The following SHCBP1L variants were observed in gnomAD, a reference collection of about 807,000 sequenced individuals.
SHCBP1L encodes testicular spindle-associated protein SHCBP1L.
A neutral mutation model predicts 62.5 loss-of-function variants in SHCBP1L; 67 were observed. The ratio of observed to expected loss-of-function variants is 1.07; its 90% CI spans 0.88 to 1.31. SHCBP1L has a LOEUF of 1.31. Among genes scored for constraint, SHCBP1L ranks in the 40% most tolerant of loss-of-function variants. SHCBP1L has a pLI of 0.00. For synonymous variants in SHCBP1L, 284 were observed against 289.4 expected (o/e 0.98, Z 0.19); for missense variants, 823 against 809.8 (o/e 1.02, Z -0.20).
In SHCBP1L at chr1:182,939,366, G is replaced by A. The variant is rs1291589496; in HGVS notation, c.886C>T (p.Pro296Ser). The A allele has an allele frequency of 6.2e-7, 1 of 1,613,732 alleles. No homozygotes were observed. Among genetic ancestry groups the A allele is most frequent in the Non-Finnish European group, 8.5e-7 (1 of 1,179,932 alleles). ...TTAAAACGTTGTGCGATAGGACCAG[G>A]TATTGTTCCATCCTGTATATCACAC... Reference protein sequence around the residue: ...LWCDIQDGTIPGPIAQRFKKT... With the variant: ...LWCDIQDGTISGPIAQRFKKT... The change falls in exon 5 of 10, where the codon CCT becomes TCT. Residue 296 changes from proline (P) to serine (S), a missense_variant. Coordinates refer to ENST00000367547, the MANE Select transcript of SHCBP1L (RefSeq NM_030933.4).
chr1:182,919,780 A>G (rs182712484), intron 6 of SHCBP1L, among the ~76,000 whole-genome samples: 2 of 152,268 alleles, frequency 1.3e-5, no homozygotes, highest in East Asian at 3.9e-4. Flanking sequence ...TGAATTTTCT[A>G]ACTATGGATC....
intron 2 of SHCBP1L, among the ~76,000 whole-genome samples, chr1:182,944,962 T>TTC (rs1558005193): frequency 6.9e-6 from 1 of 144,048 alleles, no homozygotes; most frequent in African/African-American, 2.7e-5. Flanking sequence ...TCTTTCTTTT[T>TTC]TTTTTTTTTT....
In SHCBP1L at chr1:182,951,313, T is replaced by C; in HGVS notation, c.555+5A>G. ...AAGAACAAAGATCAAATAAAATTTA[T>C]TTACCTCAACCAATATACCAACAAA... is the stretch of plus-strand genomic sequence containing the variant. On this transcript the variant is annotated splice_donor_5th_base_variant and intron_variant, in intron 2 of 9. Transcript: ENST00000367547. 6.5e-7 allele frequency: 1 copy of C among 1,528,592 alleles called. No individual in the cohort carries two copies. Among genetic ancestry groups the C allele is most frequent in the Non-Finnish European group, 8.8e-7 (1 of 1,138,738 alleles). The allele number at this position is 1,528,592 out of a possible 1,614,324, so 94.7% of individuals were successfully genotyped here.
Position 182,904,384 on chromosome 1 carries a change from A to G in SHCBP1L, c.1383T>C (p.Arg461=). ...CAGCTTTGGACACCACAAAACTGTC[A>G]CGAGAAGGTTCAGAAGTAATCATAA... ...EEIMITSEPS[R]DSFVVSKADN... The change falls in exon 8 of 10, where the codon CGT becomes CGC. Residue 461 remains arginine (R), a synonymous_variant. Transcript: ENST00000367547. 3 of 1,614,192 alleles carry G rather than the reference A, an allele frequency of 1.9e-6. No homozygotes were observed. Among genetic ancestry groups the G allele is most frequent in the Non-Finnish European group, 2.5e-6 (3 of 1,180,028 alleles).
At chr1:182,915,849 C>T (rs994274765) in intron 6 of SHCBP1L, among the ~76,000 whole-genome samples, 1 of 150,466 alleles carries the variant, frequency 6.6e-6, no homozygotes, top group African/African-American at 2.5e-5. Context: ...CTCTGTCGCC[C>T]AGGCTGGAGT....
intron 6 of SHCBP1L, among the ~76,000 whole-genome samples, chr1:182,925,256 G>A (rs964500963): frequency 5.9e-5 from 9 of 152,140 alleles, no homozygotes; most frequent in Non-Finnish European, 1.0e-4. Context: ...CCTAAGGAAT[G>A]GGGGGTAAAA....
At chr1:182,931,157 G>T (rs1042036319) in intron 5 of SHCBP1L, among the ~76,000 whole-genome samples, 1 of 151,696 alleles carries the variant, frequency 6.6e-6, no homozygotes, top group Non-Finnish European at 1.5e-5. Flanking sequence ...CAAAAGTTTC[G>T]TTAAACATTT....
chr1:182,929,099 A>T (rs775358199), intron 6 of SHCBP1L, among the ~76,000 whole-genome samples: 11 of 152,168 alleles, frequency 7.2e-5, no homozygotes, highest in Non-Finnish European at 1.6e-4. Flanking sequence ...AGTGAAATGA[A>T]AATATTTGCT....
chr1:182,912,106 A>C (rs1350993159), intron 6 of SHCBP1L, among the ~76,000 whole-genome samples: 2 of 152,114 alleles, frequency 1.3e-5, no homozygotes, highest in Non-Finnish European at 2.9e-5. Flanking sequence ...GGACTCTAAT[A>C]TTCCTGTGCT....
At chr1:182,932,875 C>A (rs1651053874) in intron 5 of SHCBP1L, among the ~76,000 whole-genome samples, 1 of 152,006 alleles carries the variant, frequency 6.6e-6, no homozygotes, top group African/African-American at 2.4e-5. Flanking sequence ...TTTTTGAGAT[C>A]CATCCATGTT....
intron 6 of SHCBP1L, among the ~76,000 whole-genome samples, chr1:182,924,675 A>AAG (rs1650621090): frequency 1.1e-5 from 1 of 93,910 alleles, no homozygotes; most frequent in African/African-American, 4.9e-5. Flanking sequence ...CAACTACAAA[A>AAG]GAAAGGAAAG....
chr1:182,923,493 A>T (rs962681867), intron 6 of SHCBP1L, among the ~76,000 whole-genome samples: 1 of 152,232 alleles, frequency 6.6e-6, no homozygotes, highest in African/African-American at 2.4e-5. Flanking sequence ...TGAATCTAGT[A>T]GCACATCAAT....
chr1:182,951,324 C>G lies in SHCBP1L; in HGVS notation c.549G>C (p.Leu183Phe), dbSNP rs1401456935. 6.4e-7 allele frequency: 1 copy of G among 1,562,582 alleles called. No homozygotes were observed. Among genetic ancestry groups the G allele is most frequent in the Middle Eastern group, 1.7e-4 (1 of 5,820 alleles). Residue 183 changes from leucine (L) to phenylalanine (F), a missense_variant, in exon 2 of 10, where the codon TTG becomes TTC. Leu to Phe is a conservative substitution (Grantham distance 22). Transcript: ENST00000367547. ...TCAAATAAAATTTATTTACCTCAAC[C>G]AATATACCAACAAAAGGGATAGAAG... Reference protein sequence around the residue: ...EEASIPFVGILVEVTCEPYQD... With the variant: ...EEASIPFVGIFVEVTCEPYQD...
chr1:182,934,792 G>A (rs1476220651), intron 5 of SHCBP1L, among the ~76,000 whole-genome samples: 1 of 152,102 alleles, frequency 6.6e-6, no homozygotes, highest in South Asian at 2.1e-4. Flanking sequence ...GAGTCTTATA[G>A]TTTTGAGTTT....
At chr1:182,918,997 T>C (rs1650441833) in intron 6 of SHCBP1L, among the ~76,000 whole-genome samples, 1 of 152,074 alleles carries the variant, frequency 6.6e-6, no homozygotes, top group African/African-American at 2.4e-5. Flanking sequence ...AAAAATTAAC[T>C]CAAAATTGAT....
chr1:182,922,784 G>A (rs4622031), intron 6 of SHCBP1L, among the ~76,000 whole-genome samples: 6,740 of 152,072 alleles, frequency 0.044, 230 homozygotes, highest in South Asian at 0.14. Context: ...TCTGCTAATC[G>A]CTCACATCAA....
chr1:182,905,483 A>T lies in SHCBP1L; in HGVS notation c.1336+13T>A. The T allele has an allele frequency of 6.2e-7, 1 of 1,612,206 alleles. No homozygotes were observed. The highest frequency in any genetic ancestry group is 1.3e-5 in the African/African-American group (1 of 74,968). On this transcript the variant is annotated intron_variant, in intron 7 of 9. Transcript: ENST00000367547. ...ATTGCTGTAAAAAAAACTACAAAGGATGCCCTGCTAACCCTTTATAATGAT... is the reference window on the plus strand; with the variant it reads ...ATTGCTGTAAAAAAAACTACAAAGGTTGCCCTGCTAACCCTTTATAATGAT...
chr1:182,918,179 C>CAT (rs1365596806), intron 6 of SHCBP1L, among the ~76,000 whole-genome samples: 3 of 145,930 alleles, frequency 2.1e-5, no homozygotes, highest in African/African-American at 7.5e-5. Flanking sequence ...CACATATATA[C>CAT]ATATATATAC....
Position 182,899,990 on chromosome 1 carries a change from G to T in SHCBP1L, c.1955C>A (p.Thr652Lys). The T allele has an allele frequency of 6.2e-7, 1 of 1,601,308 alleles. No homozygotes were observed. Among genetic ancestry groups the T allele is most frequent in the Non-Finnish European group, 8.5e-7 (1 of 1,174,730 alleles). ...ANVKGDIRIV[T>K]S is the part of the protein sequence containing the mutation. ...AACATCAATTCAGACGCTTTAACTT[G>T]TGACTATTCTGATATCCCCCTTGAC... Residue 652 changes from threonine (T) to lysine (K), a missense_variant, in exon 10 of 10, where the codon ACA becomes AAA. Transcript: ENST00000367547.
Sources: gnomAD v4.1 joint callset for allele counts (sites outside exome capture counted in the v4.1 genomes callset) on GRCh38, gnomAD v4.1.1 for gene constraint, MANE v1.5 for transcripts, NCBI Gene and HGNC (gene_info 2026-07-23, HGNC 2026-07-21) for gene names.